Variants in RANBP17 observed in about 807,000 individuals in gnomAD.
The protein encoded by RANBP17 is ran-binding protein 17.
Under a neutral mutation model 141.2 loss-of-function variants are expected in RANBP17, and 158 were observed. The observed-to-expected ratio is 1.12, with a 90% confidence interval of 0.98 to 1.28. RANBP17 has a LOEUF of 1.28. RANBP17 is among the 50% of genes most tolerant of loss of function. The pLI, the probability that RANBP17 is intolerant of heterozygous loss-of-function variation, is 0.00. For synonymous variants in RANBP17, 430 were observed against 450.0 expected (o/e 0.96, Z 0.56); for missense variants, 1,438 against 1,290.7 (o/e 1.11, Z -1.75).
intron 14 of RANBP17, among the ~76,000 whole-genome samples, chr5:171,056,116 G>C (rs937513869): frequency 2.6e-5 from 4 of 151,976 alleles, no homozygotes; most frequent in African/African-American, 7.2e-5. Context: ...CAAAGAATTG[G>C]TAACATTTTA....
At chr5:171,127,889 G>A (rs1014925216) in intron 14 of RANBP17, among the ~76,000 whole-genome samples, 14 of 152,150 alleles carry the variant, frequency 9.2e-5, no homozygotes, top group African/African-American at 2.4e-4. Context: ...GGCCGGGCAC[G>A]GTGGCTCACG....
intron 5 of RANBP17, among the ~76,000 whole-genome samples, chr5:170,906,687 A>G (rs1000922196): frequency 2.6e-5 from 4 of 151,842 alleles, no homozygotes; most frequent in African/African-American, 9.7e-5. Context: ...TCCTCGTTTC[A>G]TTCTATTTAA....
At chr5:170,984,542 C>A (rs1777989633) in intron 14 of RANBP17, among the ~76,000 whole-genome samples, 1 of 152,000 alleles carries the variant, frequency 6.6e-6, no homozygotes, top group African/African-American at 2.4e-5. Flanking sequence ...TGGAAGATCA[C>A]TTGAGTCCAG....
intron 14 of RANBP17, among the ~76,000 whole-genome samples, chr5:170,980,051 C>G (rs938730343): frequency 2.0e-5 from 3 of 152,116 alleles, no homozygotes; most frequent in East Asian, 1.9e-4. Flanking sequence ...AGATGAGGAA[C>G]TGGAGCAAAG....
intron 14 of RANBP17, among the ~76,000 whole-genome samples, chr5:171,075,345 G>A (rs1221459355): frequency 6.6e-6 from 1 of 152,134 alleles, no homozygotes; most frequent in African/African-American, 2.4e-5. Context: ...CTGCTTGTAA[G>A]TGTGCCAACT....
chr5:171,281,607 G>A (rs75680083), intron 25 of RANBP17, among the ~76,000 whole-genome samples: 1,606 of 152,254 alleles, frequency 0.011, 27 homozygotes, highest in African/African-American at 0.036. Flanking sequence ...TAGGAGGTCA[G>A]AAATTCCTTG....
intron 14 of RANBP17, among the ~76,000 whole-genome samples, chr5:171,125,348 C>T (rs1262647702): frequency 7.8e-6 from 1 of 128,560 alleles, no homozygotes; most frequent in Non-Finnish European, 1.7e-5. Context: ...ATATTCCACA[C>T]ACACAGTAAC....
chr5:170,980,422 C>T (rs1049073188), intron 14 of RANBP17, among the ~76,000 whole-genome samples: 1 of 152,302 alleles, frequency 6.6e-6, no homozygotes, highest in East Asian at 1.9e-4. Flanking sequence ...GTGGGAGCCC[C>T]TCCCATCACA....
At chr5:170,921,447 A>G (rs181824613) in intron 11 of RANBP17, among the ~76,000 whole-genome samples, 22 of 152,160 alleles carry the variant, frequency 1.4e-4, no homozygotes, top group Admixed American at 9.8e-4. Context: ...ATTGGTCTAT[A>G]TATCTGTTTT....
chr5:171,054,545 A>G (rs185321087), intron 14 of RANBP17, among the ~76,000 whole-genome samples: 228 of 152,308 alleles, frequency 1.5e-3, no homozygotes, highest in African/African-American at 4.7e-3. Flanking sequence ...AGCAGTGAGG[A>G]TAAGCAGGGG....
intron 5 of RANBP17, among the ~76,000 whole-genome samples, chr5:170,899,072 T>C (rs1770392110): frequency 6.6e-6 from 1 of 152,234 alleles, no homozygotes; most frequent in Non-Finnish European, 1.5e-5. Flanking sequence ...CAGTGGTAGC[T>C]TGATGAGGAT....
At chr5:170,919,874 AT>A (rs143360802) in intron 11 of RANBP17, among the ~76,000 whole-genome samples, 4,092 of 148,450 alleles carry the variant, frequency 0.028, 169 homozygotes, top group African/African-American at 0.095. Context: ...TGTACCTGTA[AT>A]TTTTTTTTTG....
chr5:171,185,422 T>C (rs998068883), intron 18 of RANBP17, among the ~76,000 whole-genome samples: 2 of 152,222 alleles, frequency 1.3e-5, no homozygotes, highest in African/African-American at 4.8e-5. Context: ...TTGTTAGCAT[T>C]TGACCCACAG....
At chr5:171,121,969 A>G (rs1756070442) in intron 14 of RANBP17, among the ~76,000 whole-genome samples, 1 of 152,198 alleles carries the variant, frequency 6.6e-6, no homozygotes, top group Non-Finnish European at 1.5e-5. Context: ...AATTTCCAGC[A>G]ATACTTTAAA....
At chr5:171,296,180 T>A (rs919549222) in intron 27 of RANBP17, among the ~76,000 whole-genome samples, 166 bp downstream of exon 27, 1 of 152,210 alleles carries the variant, frequency 6.6e-6, no homozygotes, top group Non-Finnish European at 1.5e-5. Flanking sequence ...GTTGGTTATT[T>A]GCTTTCCTCC....
At chr5:171,161,698 G>A (rs1759365723) in intron 14 of RANBP17, among the ~76,000 whole-genome samples, 1 of 152,140 alleles carries the variant, frequency 6.6e-6, no homozygotes, top group Non-Finnish European at 1.5e-5. Context: ...TATATTTAAT[G>A]TGGTTGCATA....
At chr5:171,197,690 T>C (rs2127950623) in intron 18 of RANBP17, among the ~76,000 whole-genome samples, 1 of 152,326 alleles carries the variant, frequency 6.6e-6, no homozygotes, top group East Asian at 1.9e-4. Context: ...TTATTGTTGC[T>C]ATTATTAGAT....
At chr5:171,274,143 T>C (rs954910858) in intron 25 of RANBP17, among the ~76,000 whole-genome samples, 10 of 130,478 alleles carry the variant, frequency 7.7e-5, no homozygotes, top group South Asian at 2.4e-4. Context: ...TGTGTGTGTG[T>C]GTGTGTGCGC....
At chr5:171,155,334 G>A (rs778711462) in intron 14 of RANBP17, among the ~76,000 whole-genome samples, 2 of 151,714 alleles carry the variant, frequency 1.3e-5, no homozygotes. Flanking sequence ...TAGCCATAGA[G>A]AAAGTGGATA....
Sources: gnomAD v4.1 joint callset for allele counts (sites outside exome capture counted in the v4.1 genomes callset) on GRCh38, gnomAD v4.1.1 for gene constraint, MANE v1.5 for transcripts, NCBI Gene and HGNC (gene_info 2026-07-23, HGNC 2026-07-21) for gene names.